The following PRKD1 variants were observed in gnomAD, a reference collection of about 807,000 sequenced individuals.
The protein encoded by PRKD1 is protein kinase D1, also known as serine/threonine-protein kinase D1.
Under a neutral mutation model 95.9 loss-of-function variants are expected in PRKD1, and 63 were observed. The observed-to-expected ratio is 0.66, with a 90% CI of 0.54 to 0.81. PRKD1 has a LOEUF of 0.81. PRKD1 is among the 30% of genes least tolerant of loss of function. The probability of loss-of-function intolerance (pLI) is 0.00; values close to 1 mark genes in which losing one functional copy is unlikely to be tolerated. For missense variants in PRKD1, 1,048 were observed against 1,165.3 expected (o/e 0.90, Z 1.47); for synonymous variants, 425 against 423.1 (o/e 1.00, Z -0.05).
intron 1 of PRKD1, among the ~76,000 whole-genome samples, chr14:29,731,896 C>T (rs897442429): frequency 6.8e-6 from 1 of 148,148 alleles, no homozygotes; most frequent in Non-Finnish European, 1.5e-5. Flanking sequence ...TTTTTTGAGA[C>T]CGAATCTCAC....
chr14:29,599,937 T>C lies in PRKD1; in HGVS notation c.1906-120A>G, dbSNP rs563339008. 1.6e-3 allele frequency: 1,261 copies of C among 775,922 alleles called. 23 individuals carry two copies. In the South Asian group the frequency reaches 0.021, roughly 13 times the overall value. 48.1% of individuals were successfully genotyped at this position (775,922 alleles called of 1,614,324 possible). A position where few individuals can be genotyped will look rare whatever the true frequency, so the allele number is the denominator to read the frequency against. On this transcript the variant is annotated intron_variant, in intron 13 of 17. Transcript: ENST00000331968. ...ATAGAGAAACCCACACTTAAGATTTTTAACACCTCTACATTCCACATGTGC... is the reference window on the plus strand; with the variant it reads ...ATAGAGAAACCCACACTTAAGATTTCTAACACCTCTACATTCCACATGTGC...
chr14:29,820,918 C>G (rs1364144664), intron 1 of PRKD1, among the ~76,000 whole-genome samples: 1 of 152,140 alleles, frequency 6.6e-6, no homozygotes, highest in Non-Finnish European at 1.5e-5. Flanking sequence ...AGCAAACCCA[C>G]TGATTGTGTA....
intron 4 of PRKD1, among the ~76,000 whole-genome samples, chr14:29,653,403 C>T (rs560661314): frequency 6.6e-6 from 1 of 151,978 alleles, no homozygotes; most frequent in Non-Finnish European, 1.5e-5. Context: ...TTAGTAGATA[C>T]CTCCTTAAAG....
chr14:29,708,207 G>A (rs977283905), intron 2 of PRKD1, among the ~76,000 whole-genome samples: 1 of 152,222 alleles, frequency 6.6e-6, no homozygotes, highest in South Asian at 2.1e-4. Context: ...ATGAGGCAAT[G>A]GGGAGTTGAA....
intron 1 of PRKD1, among the ~76,000 whole-genome samples, chr14:29,858,283 T>C (rs1230989686): frequency 6.6e-6 from 1 of 152,218 alleles, no homozygotes; most frequent in Admixed American, 6.5e-5. Context: ...TACTAGAACA[T>C]AAACTCTATG....
rs1413667993 is a variant in PRKD1 at position 29,748,833 on chromosome 14, G to A, written c.265-23159C>T. On this transcript the variant is annotated intron_variant, in intron 1 of 17. Transcript: ENST00000331968. ...AAAGCCAGTACCTATCACATATTAA[G>A]TTTTCAATTAAAACATTCTGAATGA... is the stretch of plus-strand genomic sequence containing the variant. Among the ~76,000 whole-genome samples, 6 of 152,228 alleles carry A rather than the reference G, an allele frequency of 3.9e-5. No individual in the cohort carries two copies. In the South Asian group the frequency reaches 1.2e-3, roughly 32 times the overall value.
chr14:29,919,252 G>T (rs569887683), intron 1 of PRKD1, among the ~76,000 whole-genome samples: 1 of 152,170 alleles, frequency 6.6e-6, no homozygotes. Context: ...TCTGGCTTAA[G>T]CCAAATAAAA....
chr14:29,822,276 A>G (rs545930108), intron 1 of PRKD1, among the ~76,000 whole-genome samples: 1 of 152,330 alleles, frequency 6.6e-6, no homozygotes, highest in South Asian at 2.1e-4. Flanking sequence ...TTCAAAACAA[A>G]TTACGCAGAA....
intron 1 of PRKD1, among the ~76,000 whole-genome samples, chr14:29,921,480 A>G (rs1895105900): frequency 6.6e-6 from 1 of 152,166 alleles, no homozygotes; most frequent in Non-Finnish European, 1.5e-5. Flanking sequence ...AGCATTTATT[A>G]TGCACGTATT....
chr14:29,700,224 T>C (rs988057730), intron 2 of PRKD1, among the ~76,000 whole-genome samples: 39 of 152,162 alleles, frequency 2.6e-4, no homozygotes, highest in Admixed American at 2.6e-3. Flanking sequence ...GCAATAATCA[T>C]ATTAATTGAA....
chr14:29,775,901 G>A (rs937017361), intron 1 of PRKD1, among the ~76,000 whole-genome samples: 1 of 152,138 alleles, frequency 6.6e-6, no homozygotes, highest in African/African-American at 2.4e-5. Context: ...CTCCCAGTAG[G>A]GGCCGACTGA....
intron 4 of PRKD1, among the ~76,000 whole-genome samples, chr14:29,647,168 T>C (rs1490835360): frequency 6.6e-6 from 1 of 152,170 alleles, no homozygotes; most frequent in Non-Finnish European, 1.5e-5. Flanking sequence ...TTTACAGCAA[T>C]TTGTGAAAGC....
chr14:29,868,329 C>T (rs1892981739), intron 1 of PRKD1, among the ~76,000 whole-genome samples: 1 of 152,190 alleles, frequency 6.6e-6, no homozygotes, highest in Non-Finnish European at 1.5e-5. Flanking sequence ...AAGCATTCTT[C>T]AAAAGATGCC....
At chr14:29,882,517 T>C (rs888441054) in intron 1 of PRKD1, among the ~76,000 whole-genome samples, 2 of 152,244 alleles carry the variant, frequency 1.3e-5, no homozygotes, top group African/African-American at 4.8e-5. Flanking sequence ...TGTGGTGAGA[T>C]AATATGACAT....
At chr14:29,842,767 A>T (rs1292470561) in intron 1 of PRKD1, among the ~76,000 whole-genome samples, 1 of 152,198 alleles carries the variant, frequency 6.6e-6, no homozygotes, top group East Asian at 1.9e-4. Flanking sequence ...TGTCTACAGG[A>T]TTATGAGCAT....
intron 12 of PRKD1, among the ~76,000 whole-genome samples, chr14:29,626,158 T>G (rs1420503787): frequency 2.0e-5 from 3 of 152,188 alleles, no homozygotes. Context: ...TGGAATTAAT[T>G]TGTTTACAAA....
intron 1 of PRKD1, among the ~76,000 whole-genome samples, chr14:29,869,344 G>C (rs867446884): frequency 6.6e-6 from 1 of 151,964 alleles, no homozygotes; most frequent in Non-Finnish European, 1.5e-5. Context: ...TCAAGAGGAG[G>C]CAGGAGAATT....
chr14:29,836,950 T>G (rs1891633359), intron 1 of PRKD1, among the ~76,000 whole-genome samples: 1 of 152,158 alleles, frequency 6.6e-6, no homozygotes, highest in Admixed American at 6.5e-5. Flanking sequence ...ACTCATAAAA[T>G]TCATAATAAA....
intron 13 of PRKD1, among the ~76,000 whole-genome samples, chr14:29,605,096 T>C (rs898995737): frequency 2.0e-5 from 3 of 152,078 alleles, no homozygotes; most frequent in Admixed American, 1.3e-4. Flanking sequence ...ACCTTCATCC[T>C]CACCTCTGCT....
Sources: allele counts gnomAD v4.1 joint callset (sites outside exome capture counted in the v4.1 genomes callset), GRCh38; gene constraint gnomAD v4.1.1; transcripts MANE v1.5; gene names NCBI Gene and HGNC (gene_info 2026-07-23, HGNC 2026-07-21).